The following DAB1 variants were observed in gnomAD, a reference collection of about 807,000 sequenced individuals.
DAB1 encodes disabled homolog 1.
A neutral mutation model predicts 64.6 loss-of-function variants in DAB1; 15 were observed. That is an observed-to-expected ratio of 0.23 (90% CI 0.16 to 0.36). DAB1 has a LOEUF of 0.36. Ranked by LOEUF, DAB1 falls within the 10% of genes least tolerant of loss-of-function variation. DAB1 has a pLI of 1.00. For missense variants in DAB1, 596 were observed against 706.7 expected (o/e 0.84, Z 1.78); for synonymous variants, 235 against 251.9 (o/e 0.93, Z 0.64).
chr1:57,442,730 T>C (rs1304039106), intron 7 of DAB1, among the ~76,000 whole-genome samples: 1 of 152,224 alleles, frequency 6.6e-6, no homozygotes, highest in Non-Finnish European at 1.5e-5. Flanking sequence ...GAAGAGTCAA[T>C]GTCCCTGGGC....
chr1:58,050,526 T>C (rs1647574127), intron 5 of DAB1, among the ~76,000 whole-genome samples: 1 of 151,866 alleles, frequency 6.6e-6, no homozygotes, highest in South Asian at 2.1e-4. Flanking sequence ...CTTTATTTTA[T>C]TTATTTATTT....
At chr1:58,353,343 A>G (rs1002950758) in intron 3 of DAB1, among the ~76,000 whole-genome samples, 2 of 152,190 alleles carry the variant, frequency 1.3e-5, no homozygotes, top group African/African-American at 4.8e-5. Context: ...TAGATTTGAC[A>G]TTTGAGTTAG....
chr1:57,949,515 G>GT (rs1645237900), intron 5 of DAB1, among the ~76,000 whole-genome samples: 1 of 137,890 alleles, frequency 7.3e-6, no homozygotes, highest in Non-Finnish European at 1.6e-5. Context: ...ATCTATATCT[G>GT]TCTGTCTGTC....
intron 2 of DAB1, among the ~76,000 whole-genome samples, chr1:57,181,854 A>G (rs1662969685): frequency 6.6e-6 from 1 of 152,066 alleles, no homozygotes; most frequent in Admixed American, 6.6e-5. Flanking sequence ...TAAAAAGTAA[A>G]TGTTACATTG....
intron 12 of DAB1, among the ~76,000 whole-genome samples, chr1:57,012,700 C>G (rs968244440): frequency 7.2e-5 from 11 of 152,196 alleles, no homozygotes; most frequent in African/African-American, 2.4e-4. Flanking sequence ...ATGGAACAAA[C>G]TGTATTGAAA....
At chr1:57,634,800 TA>T (rs1646031685) in intron 7 of DAB1, among the ~76,000 whole-genome samples, 1 of 152,128 alleles carries the variant, frequency 6.6e-6, no homozygotes, top group South Asian at 2.1e-4. Flanking sequence ...AATAAACAAA[TA>T]AATATATAAT....
chr1:58,392,481 G>C (rs995903241), intron 3 of DAB1, among the ~76,000 whole-genome samples: 2 of 152,120 alleles, frequency 1.3e-5, no homozygotes, highest in Non-Finnish European at 2.9e-5. Flanking sequence ...CACCTCAGGG[G>C]ACTCACCCTT....
At chr1:57,372,670 A>T (rs773588740) in intron 1 of DAB1, among the ~76,000 whole-genome samples, 31 of 151,960 alleles carry the variant, frequency 2.0e-4, no homozygotes, top group Non-Finnish European at 1.5e-4. Context: ...TTTTCTATCG[A>T]GGCTGAAGAG....
intron 1 of DAB1, among the ~76,000 whole-genome samples, chr1:57,336,905 C>T (rs955879339): frequency 2.0e-5 from 3 of 152,272 alleles, no homozygotes; most frequent in East Asian, 1.9e-4. Context: ...GCATGTGACA[C>T]GGCAGGATTG....
At chr1:57,327,208 T>C (rs1182956812) in intron 1 of DAB1, among the ~76,000 whole-genome samples, 1 of 152,132 alleles carries the variant, frequency 6.6e-6, no homozygotes, top group East Asian at 1.9e-4. Flanking sequence ...TCTAAAGTGC[T>C]AGGATTGCAG....
chr1:57,210,045 A>T lies in DAB1; in HGVS notation c.68-64616T>A, dbSNP rs960358397. On this transcript the variant is annotated intron_variant, in intron 2 of 14. Coordinates refer to ENST00000371236, the MANE Select transcript of DAB1 (RefSeq NM_001365792.1). ...AACCTGTTTAAGCCTCAGTTTCCTCATTAATAAAATTGAGATAATAATGCC... is the reference window on the plus strand; with the variant it reads ...AACCTGTTTAAGCCTCAGTTTCCTCTTTAATAAAATTGAGATAATAATGCC... Among the ~76,000 whole-genome samples the T allele has an allele frequency of 3.9e-5, 6 of 152,340 alleles. No individual in the cohort carries two copies. The South Asian group carries it at 1.2e-3, about 32-fold the overall frequency.
intron 5 of DAB1, among the ~76,000 whole-genome samples, chr1:57,987,051 G>T (rs1263847469): frequency 1.3e-5 from 2 of 152,192 alleles, no homozygotes; most frequent in Non-Finnish European, 2.9e-5. Flanking sequence ...CAGGGCCCAT[G>T]CACTAACTGT....
At chr1:57,684,960 C>CT (rs57208939) in intron 6 of DAB1, among the ~76,000 whole-genome samples, 97 of 147,890 alleles carry the variant, frequency 6.6e-4, no homozygotes, top group Middle Eastern at 3.4e-3. Context: ...TTTCTTTTTT[C>CT]TTTTTTTTTT....
chr1:57,695,716 T>A (rs1252504533), intron 6 of DAB1, among the ~76,000 whole-genome samples: 2 of 151,984 alleles, frequency 1.3e-5, no homozygotes, highest in African/African-American at 2.4e-5. Flanking sequence ...CTGAACAACA[T>A]AGTGAAACCC....
intron 4 of DAB1, among the ~76,000 whole-genome samples, chr1:58,221,509 G>A (rs1472387141): frequency 6.6e-6 from 1 of 152,152 alleles, no homozygotes; most frequent in Non-Finnish European, 1.5e-5. Context: ...ATAGCCTCCG[G>A]GGCAGAAAAC....
intron 5 of DAB1, among the ~76,000 whole-genome samples, chr1:58,056,845 T>C (rs1272599528): frequency 6.6e-6 from 1 of 152,096 alleles, no homozygotes; most frequent in Admixed American, 6.6e-5. Flanking sequence ...AAGTCACTGC[T>C]CTGCTCAAGG....
chr1:57,167,411 C>T (rs155289), intron 2 of DAB1, among the ~76,000 whole-genome samples: 8,854 of 152,148 alleles, frequency 0.058, 836 homozygotes, highest in African/African-American at 0.2. Flanking sequence ...TATGCTTCTA[C>T]GACTATCTTG....
rs192586559 is a variant in DAB1, at chr1:57,065,863, G to A, written c.664-2920C>T. Among the ~76,000 whole-genome samples, 208 of 152,072 alleles carry A rather than the reference G, an allele frequency of 1.4e-3. 1 individual carries two copies. Among genetic ancestry groups the A allele is most frequent in the Non-Finnish European group, 2.7e-3 (181 of 67,912 alleles). ...GCTATACATAAATTTCTGAGGGTGA[G>A]GGCTGTGCCATGGTCACCATCTCAT... On this transcript the variant is annotated intron_variant, in intron 8 of 14. Coordinates refer to ENST00000371236, the MANE Select transcript of DAB1 (RefSeq NM_001365792.1).
At chr1:57,376,376 C>G (rs896194000) in intron 1 of DAB1, among the ~76,000 whole-genome samples, 2 of 152,216 alleles carry the variant, frequency 1.3e-5, no homozygotes, top group Admixed American at 1.3e-4. Flanking sequence ...TGCTGCCTAG[C>G]AGAAGAATTC....
Sources: gnomAD v4.1 joint callset for allele counts (sites outside exome capture counted in the v4.1 genomes callset) on GRCh38, gnomAD v4.1.1 for gene constraint, MANE v1.5 for transcripts, NCBI Gene and HGNC (gene_info 2026-07-23, HGNC 2026-07-21) for gene names.